GREB1: variants seen among roughly 807,000 people sequenced by gnomAD.
The protein encoded by GREB1 is growth regulating estrogen receptor binding 1.
A neutral mutation model predicts 200.7 loss-of-function variants in GREB1; 106 were observed. The ratio of observed to expected loss-of-function variants is 0.53; its 90% CI spans 0.45 to 0.62. The LOEUF (loss-of-function observed/expected upper bound fraction) is 0.62. Among genes scored for constraint, GREB1 ranks in the 20% least tolerant of loss-of-function variants. The pLI is 0.00. For missense variants in GREB1, 2,243 were observed against 2,556.8 expected, an observed-to-expected ratio of 0.88 and a Z score of 2.65; for synonymous variants, 1,132 against 1,092.4, an observed-to-expected ratio of 1.04 and a Z score of -0.72.
rs781283804 is a variant in GREB1, at chr2:11,602,418, T to C, written c.2542T>C (p.Tyr848His). ...PASCSNGVDL[Y>H]HENKKYFGLS... is the part of the protein sequence containing the mutation. ...TTCTTTGTTTTAGGGAGTGGACTTA[T>C]ATCATGAAAATAAGAAGTACTTCGG... The change falls in exon 17 of 33, where the codon TAT becomes CAT. Residue 848 changes from tyrosine (Y) to histidine (H), a missense_variant. By Grantham distance (83) the Tyr-to-His change is moderately conservative (BLOSUM62 2). Around this residue, in one of 3 missense-constraint regions of GREB1, gnomAD observed 1,178 missense variants for 1,387.4 expected, o/e 0.85. Coordinates refer to ENST00000381486, the MANE Select transcript of GREB1 (RefSeq NM_014668.4). 2.9e-5 allele frequency: 46 copies of C among 1,613,478 alleles called. No homozygotes were observed. The highest frequency in any genetic ancestry group is 5.1e-6 in the Non-Finnish European group (6 of 1,179,508).
At chr2:11,605,142 T>TTA (rs1682139695) in intron 17 of GREB1, among the ~76,000 whole-genome samples, 1 of 119,290 alleles carries the variant, frequency 8.4e-6, no homozygotes, top group African/African-American at 3.8e-5. Flanking sequence ...CAGAGCCTGC[T>TTA]TCTTTTTTTT....
intron 24 of GREB1, among the ~76,000 whole-genome samples, chr2:11,626,540 A>T (rs1684472313): frequency 6.6e-6 from 1 of 152,216 alleles, no homozygotes; most frequent in South Asian, 2.1e-4. Flanking sequence ...GTGAGCTGAG[A>T]TTGTGCCACT....
At chr2:11,582,864 C>T (rs1679650128) in intron 7 of GREB1, among the ~76,000 whole-genome samples, 1 of 152,214 alleles carries the variant, frequency 6.6e-6, no homozygotes, top group South Asian at 2.1e-4. Flanking sequence ...AGTCCTGTCA[C>T]TCACTGGTTC....
At chr2:11,525,222 G>A (rs762625902) in intron 1 of GREB1, among the ~76,000 whole-genome samples, 1 of 152,048 alleles carries the variant, frequency 6.6e-6, no homozygotes, top group Admixed American at 6.6e-5. Context: ...AATGGCATCC[G>A]GGCTGGGCAC....
At chr2:11,552,783 G>A (rs528196244) in intron 1 of GREB1, among the ~76,000 whole-genome samples, 46 of 151,838 alleles carry the variant, frequency 3.0e-4, no homozygotes, top group African/African-American at 5.6e-4. Context: ...AGGCCGAGGC[G>A]GGCGGATCAC....
intron 1 of GREB1, among the ~76,000 whole-genome samples, chr2:11,486,276 T>G (rs924604929): frequency 6.6e-6 from 1 of 152,160 alleles, no homozygotes; most frequent in Non-Finnish European, 1.5e-5. Context: ...TGGTTCAGTT[T>G]CTGGACATAC....
intron 1 of GREB1, among the ~76,000 whole-genome samples, chr2:11,516,311 GGTGTGTGTGTGTGTGTGT>G (rs60141733): frequency 2.8e-5 from 4 of 143,860 alleles, no homozygotes; most frequent in African/African-American, 1.0e-4. Context: ...TTTTCCTGCA[GGTGTGTGTGTGTGTGTGT>G]GTGTGTGTGT....
chr2:11,572,149 G>A (rs1241623519), intron 4 of GREB1, among the ~76,000 whole-genome samples: 1 of 152,256 alleles, frequency 6.6e-6, no homozygotes, highest in Non-Finnish European at 1.5e-5. Context: ...CTAGGGCCAA[G>A]TGGCCCTCTG....
chr2:11,607,625 T>TATATA (rs1553373823), intron 17 of GREB1, among the ~76,000 whole-genome samples: 5 of 137,964 alleles, frequency 3.6e-5, no homozygotes, highest in African/African-American at 1.6e-4. Context: ...TATATGCATA[T>TATATA]ATATACATAT....
At chr2:11,601,220 T>C (rs989245665) in intron 16 of GREB1, among the ~76,000 whole-genome samples, 5 of 152,204 alleles carry the variant, frequency 3.3e-5, no homozygotes, top group Non-Finnish European at 7.3e-5. Context: ...TAATGCAGTT[T>C]GTGGGACATT....
upstream of GREB1, among the ~76,000 whole-genome samples, chr2:11,530,092 C>T (rs1490027997): frequency 2.6e-5 from 4 of 151,690 alleles, no homozygotes; most frequent in Admixed American, 2.0e-4. Context: ...GAGTCTCACT[C>T]TGTTGTCTAG....
chr2:11,517,683 G>A (rs952899918), intron 1 of GREB1, among the ~76,000 whole-genome samples: 3 of 151,846 alleles, frequency 2.0e-5, no homozygotes, highest in East Asian at 1.9e-4. Context: ...ACAGAGTCTC[G>A]CTCTGTCGCC....
intron 1 of GREB1, among the ~76,000 whole-genome samples, chr2:11,519,508 C>A (rs887030266): frequency 8.0e-5 from 10 of 125,148 alleles, no homozygotes; most frequent in African/African-American, 2.9e-4. Flanking sequence ...CAGGCTGGAG[C>A]GCAATGGCAC....
intron 15 of GREB1, among the ~76,000 whole-genome samples, chr2:11,599,904 A>C (rs1292267270): frequency 1.3e-5 from 2 of 152,186 alleles, no homozygotes; most frequent in African/African-American, 4.8e-5. Flanking sequence ...GGCCAAGCCA[A>C]GCGCCTGGCA....
chr2:11,517,245 C>A (rs115752954), intron 1 of GREB1, among the ~76,000 whole-genome samples: 4,342 of 152,258 alleles, frequency 0.029, 224 homozygotes, highest in African/African-American at 0.098. Flanking sequence ...TTGTCTGAGT[C>A]GGTGTTGTGC....
intron 30 of GREB1, among the ~76,000 whole-genome samples, chr2:11,635,867 G>A (rs1167593245): frequency 1.3e-5 from 2 of 152,206 alleles, no homozygotes; most frequent in Non-Finnish European, 2.9e-5. Context: ...GAATTAAGAC[G>A]TAAAATCACA....
intron 23 of GREB1, among the ~76,000 whole-genome samples, chr2:11,623,402 C>T (rs1009146609): frequency 3.3e-5 from 5 of 152,150 alleles, no homozygotes; most frequent in Admixed American, 6.5e-5. Context: ...AGAACAGCCT[C>T]GGGCAGGTCC....
At chr2:11,622,817 T>A (rs995432276) in intron 23 of GREB1, among the ~76,000 whole-genome samples, 3 of 152,218 alleles carry the variant, frequency 2.0e-5, no homozygotes, top group African/African-American at 7.2e-5. Flanking sequence ...GCTGAGGTCC[T>A]CTGGGTCAGG....
At chr2:11,614,332 G>C (rs1338031006) in intron 19 of GREB1, among the ~76,000 whole-genome samples, 1 of 151,922 alleles carries the variant, frequency 6.6e-6, no homozygotes, top group Admixed American at 6.6e-5. Flanking sequence ...TTGCCATGTT[G>C]GTTAGGCTGG....
Sources: gnomAD v4.1 joint callset for allele counts (sites outside exome capture counted in the v4.1 genomes callset) on GRCh38, gnomAD v4.1.1 for gene constraint, gnomAD v4.1.1 regional missense constraint, MANE v1.5 for transcripts, NCBI Gene and HGNC (gene_info 2026-07-23, HGNC 2026-07-21) for gene names.